The following MYO9B variants were observed in gnomAD, a reference collection of about 807,000 sequenced individuals.
MYO9B encodes the protein unconventional myosin-IXb.
In MYO9B, 71 loss-of-function variants were observed where a neutral mutation model predicts 229.5. The observed-to-expected ratio is 0.31, with a 90% CI of 0.26 to 0.38. The LOEUF (loss-of-function observed/expected upper bound fraction) is 0.38. Ranked by LOEUF, MYO9B falls within the 10% of genes least tolerant of loss-of-function variation. MYO9B has a pLI of 1.00. For missense variants in MYO9B, 2,255 were observed against 2,920.5 expected, an observed-to-expected ratio of 0.77 and a Z score of 5.25; for synonymous variants, 1,185 against 1,235.8, an observed-to-expected ratio of 0.96 and a Z score of 0.86.
rs369711773 is a variant in MYO9B, at chr19:17,194,823, C to G, written c.3396C>G (p.Thr1132=). The change falls in exon 22 of 40, where the codon ACC becomes ACG. Residue 1132 remains threonine, a synonymous_variant. Transcript: ENST00000682292. ...SPEKTLPPQK[T]VAAESHEKVP... ...AGAAGACTCTCCCACCCCAGAAAAC[C>G]GTGGCGGCTGAAAGTCACGAGAAAG... The G allele has an allele frequency of 6.2e-7, 1 of 1,613,364 alleles. No homozygotes were observed. The highest frequency in any genetic ancestry group is 8.5e-7 in the Non-Finnish European group (1 of 1,179,888).
rs1349549247 is a variant in MYO9B at position 17,205,985 on chromosome 19, A to G, written c.5090A>G (p.His1697Arg). The G allele has an allele frequency of 6.3e-6, 10 of 1,581,346 alleles. No individual in the cohort carries two copies. Among genetic ancestry groups the G allele is most frequent in the Non-Finnish European group, 7.7e-6 (9 of 1,162,548 alleles). ...RKGEPGVEPGHFGVCVDSLTS... is the reference protein window; with the variant it reads ...RKGEPGVEPGRFGVCVDSLTS... ...GGCGAGCCAGGCGTTGAGCCTGGCCACTTCGGCGTGTGCGTAGACAGCCTG... is the reference window on the plus strand; with the variant it reads ...GGCGAGCCAGGCGTTGAGCCTGGCCGCTTCGGCGTGTGCGTAGACAGCCTG... The change falls in exon 32 of 40, where the codon CAC becomes CGC. Residue 1697 changes from histidine (H) to arginine (R), a missense_variant. This residue lies in a region of MYO9B where 416 missense variants were observed against 605.5 expected (regional missense o/e 0.69). Coordinates refer to ENST00000682292, the MANE Select transcript of MYO9B (RefSeq NM_004145.4).
At position 17,172,960 on chromosome 19, in the gene MYO9B, G is replaced by A. The variant is rs1328663725; in HGVS notation, c.2137G>A (p.Ala713Thr). ...RLRAERAEKA[A>T]GMSSPGAQSH... ...GCGGGCCGAGAGGGCCGAAAAGGCTGCAGGTGGGAGCTGGGGCGTGAACCC... is the reference window on the plus strand; with the variant it reads ...GCGGGCCGAGAGGGCCGAAAAGGCTACAGGTGGGAGCTGGGGCGTGAACCC... Residue 713 changes from alanine to threonine, a missense_variant, in exon 13 of 40, where the codon GCA (alanine) becomes ACA (threonine). Physicochemically the swap from Ala to Thr is moderately conservative, Grantham distance 58. Transcript: ENST00000682292. This position sits in a 1 kb window ranked among gnomAD's most constrained non-coding sequence, Gnocchi z 8.2. The A allele has an allele frequency of 1.3e-6, 2 of 1,597,526 alleles. No homozygotes were observed. The highest frequency in any genetic ancestry group is 1.7e-6 in the Non-Finnish European group (2 of 1,179,346).
chr19:17,193,175 C>A lies in MYO9B; in HGVS notation c.3128+113C>A. 1 of 1,205,764 alleles carries A rather than the reference C, an allele frequency of 8.3e-7. No individual in the cohort carries two copies. The highest frequency in any genetic ancestry group is 3.3e-5 in the Admixed American group (1 of 30,418). The allele number at this position is 1,205,764 out of a possible 1,614,324, so 74.7% of individuals were successfully genotyped here. A position where few individuals can be genotyped will look rare whatever the true frequency, so the allele number is the denominator to read the frequency against. ...CCTGTGGCACTAAGGGGATGTCATT[C>A]TGGACACAGGGAAAGGCTGGTGGGA... is the stretch of plus-strand genomic sequence containing the variant. On this transcript the variant is annotated intron_variant, in intron 21 of 39. Coordinates refer to ENST00000682292, the MANE Select transcript of MYO9B (RefSeq NM_004145.4). The surrounding 1 kb of genome is among the most constrained non-coding windows in gnomAD (Gnocchi z 4.3).
In MYO9B at chr19:17,172,406, C is replaced by T. The variant is rs775265777; in HGVS notation, c.1864C>T (p.Leu622=). The T allele has an allele frequency of 1.2e-6, 2 of 1,613,956 alleles. No homozygotes were observed. Among genetic ancestry groups the T allele is most frequent in the Non-Finnish European group, 1.7e-6 (2 of 1,179,864 alleles). Residue 622 remains leucine (L), a synonymous_variant, in exon 12 of 40, where the codon CTG becomes TTG. Transcript: ENST00000682292. This position sits in a 1 kb window ranked among gnomAD's most constrained non-coding sequence, Gnocchi z 8.2. ...KQQHEDNKYF[L]GTPVMEPAFI... is the part of the protein sequence containing the mutation. The stretch of plus-strand genomic sequence containing the variant: ...GCAACATGAGGACAATAAGTACTTC[C>T]TGGGCACCCCGGTCATGGAGCCAGC...
intron 2 of MYO9B, among the ~76,000 whole-genome samples, chr19:17,140,552 G>T (rs1194891987): frequency 6.6e-6 from 1 of 151,622 alleles, no homozygotes; most frequent in Non-Finnish European, 1.5e-5. Flanking sequence ...GCAATGGCAC[G>T]ATCTCGGCTC....
At chr19:17,165,886 A>G (rs74615876) in intron 10 of MYO9B, among the ~76,000 whole-genome samples, 3,988 of 152,286 alleles carry the variant, frequency 0.026, 187 homozygotes, top group African/African-American at 0.092. Context: ...TTGTTTTTAT[A>G]AATAAAGCTT....
chr19:17,117,651 TTC>T (rs2057917750), intron 2 of MYO9B, among the ~76,000 whole-genome samples: 1 of 152,064 alleles, frequency 6.6e-6, no homozygotes, highest in Non-Finnish European at 1.5e-5. Flanking sequence ...CATTACAGTA[TTC>T]TCAGCCCGAT....
intron 10 of MYO9B, among the ~76,000 whole-genome samples, chr19:17,166,783 T>C (rs143298600): frequency 1.3e-5 from 2 of 152,336 alleles, no homozygotes; most frequent in East Asian, 3.9e-4. Context: ...ATTAGTATGC[T>C]AAGGGTAATG....
chr19:17,147,556 A>C (rs1394847950), intron 3 of MYO9B, among the ~76,000 whole-genome samples: 1 of 150,974 alleles, frequency 6.6e-6, no homozygotes, highest in East Asian at 1.9e-4. Context: ...AAAAAAAAAA[A>C]AAAAACCCAA....
intron 30 of MYO9B, 58 bp from the exon 31 acceptor site, chr19:17,205,205 C>T (rs916025509): frequency 6.8e-5 from 99 of 1,452,520 alleles, no homozygotes; most frequent in Admixed American, 2.9e-4. Flanking sequence ...GGGTGGGTGG[C>T]TGCAGGAATC....
chr19:17,111,484 A>G (rs1170545045), intron 2 of MYO9B, among the ~76,000 whole-genome samples: 3 of 152,196 alleles, frequency 2.0e-5, no homozygotes, highest in African/African-American at 4.8e-5. Flanking sequence ...ATAAATCTGT[A>G]AATTAAATTA....
At chr19:17,200,117 C>T (rs1235304909) in intron 24 of MYO9B, among the ~76,000 whole-genome samples, 176 bp from the exon 25 acceptor site, 2 of 152,164 alleles carry the variant, frequency 1.3e-5, no homozygotes. Flanking sequence ...AGATGATCCA[C>T]CCGCCTGGAT....
intron 31 of MYO9B, among the ~76,000 whole-genome samples, chr19:17,205,652 G>A (rs2073151871): frequency 6.6e-6 from 1 of 152,160 alleles, no homozygotes; most frequent in Admixed American, 6.5e-5. Context: ...GGGTGCTGGG[G>A]GTGCAGCAAG....
At chr19:17,179,785 G>C (rs2145397649) in intron 14 of MYO9B, among the ~76,000 whole-genome samples, 1 of 151,468 alleles carries the variant, frequency 6.6e-6, no homozygotes, top group Non-Finnish European at 1.5e-5. Context: ...TGTAATCCCA[G>C]CTACTCAGGA....
At chr19:17,182,612 G>T (rs1224093784) in intron 15 of MYO9B, among the ~76,000 whole-genome samples, 1 of 151,934 alleles carries the variant, frequency 6.6e-6, no homozygotes, top group Non-Finnish European at 1.5e-5. Context: ...CACCATGTTG[G>T]CCAGGCTGGT....
intron 30 of MYO9B, among the ~76,000 whole-genome samples, chr19:17,205,010 G>T (rs2073144039): frequency 6.6e-6 from 1 of 152,124 alleles, no homozygotes. Context: ...AATTAGCCAG[G>T]CGTGGTGGCG....
intron 10 of MYO9B, among the ~76,000 whole-genome samples, chr19:17,166,728 C>G (rs1408555455): frequency 2.6e-5 from 4 of 152,054 alleles, no homozygotes; most frequent in Admixed American, 2.6e-4. Context: ...CATTTGGCTC[C>G]CTCTTATAAA....
At chr19:17,188,620 CTA>C in intron 19 of MYO9B, among the ~76,000 whole-genome samples, 1 of 152,216 alleles carries the variant, frequency 6.6e-6, no homozygotes, top group Non-Finnish European at 1.5e-5. Flanking sequence ...CTTTCTAATC[CTA>C]TGCGGATAAG....
At chr19:17,184,785 G>T in intron 16 of MYO9B, 80 bp from the exon 17 acceptor site, 1 of 1,589,508 alleles carries the variant, frequency 6.3e-7, no homozygotes, top group Admixed American at 1.7e-5. Context: ...TTCTGCCCTG[G>T]CTTCGGGGAC....
Sources: gnomAD v4.1 joint callset for allele counts (sites outside exome capture counted in the v4.1 genomes callset) on GRCh38, gnomAD v4.1.1 for gene constraint, gnomAD v4.1.1 regional missense constraint, Gnocchi (gnomAD v3.1) non-coding constraint, MANE v1.5 for transcripts, NCBI Gene and HGNC (gene_info 2026-07-23, HGNC 2026-07-21) for gene names.